CFAP54: variants seen among roughly 807,000 people sequenced by gnomAD.
The protein encoded by CFAP54 is cilia- and flagella-associated protein 54.
In CFAP54, 290 loss-of-function variants were observed where a neutral mutation model predicts 370.4. The observed-to-expected ratio is 0.78, with a 90% CI of 0.71 to 0.86. The LOEUF (loss-of-function observed/expected upper bound fraction) is 0.86. Among genes scored for constraint, CFAP54 ranks in the 40% least tolerant of loss-of-function variants. The pLI is 0.00. For missense variants in CFAP54, 3,399 were observed against 3,528.7 expected (o/e 0.96, Z 0.93); for synonymous variants, 1,206 against 1,236.5 (o/e 0.98, Z 0.52).
At chr12:96,780,975 T>A (rs545642170) in intron 60 of CFAP54, among the ~76,000 whole-genome samples, 1 of 152,276 alleles carries the variant, frequency 6.6e-6, no homozygotes, top group South Asian at 2.1e-4. Context: ...TGAACTTTTT[T>A]AAAACAAAGT....
In CFAP54 at chr12:96,692,473, A is replaced by G. The variant is rs145069101; in HGVS notation, c.6264+1163A>G. ...TAATTGAGCAATTGGCAGCAATAAA[A>G]TGGTGTGTTTTTATTTCTTACTAAA... On this transcript the variant is annotated intron_variant, in intron 44 of 67. Coordinates refer to ENST00000524981, the MANE Select transcript of CFAP54 (RefSeq NM_001306084.2). 2.5e-3 allele frequency among the ~76,000 whole-genome samples: 376 copies of G among 152,322 alleles called. 2 individuals carry two copies. Among genetic ancestry groups the G allele is most frequent in the African/African-American group, 8.2e-3 (340 of 41,574 alleles).
intron 67 of CFAP54, among the ~76,000 whole-genome samples, chr12:96,868,788 C>T (rs1473199317): frequency 6.6e-6 from 1 of 152,066 alleles, no homozygotes; most frequent in African/African-American, 2.4e-5. Context: ...TCATCCTTTG[C>T]ATTCACTGGG....
At chr12:96,498,965 TTTTATTTATTTA>T (rs1954990901) in intron 1 of CFAP54, among the ~76,000 whole-genome samples, 1 of 152,046 alleles carries the variant, frequency 6.6e-6, no homozygotes, top group African/African-American at 2.4e-5. Flanking sequence ...TTTTAAATAT[TTTTATTTATTTA>T]TTTATTTACT....
intron 66 of CFAP54, among the ~76,000 whole-genome samples, chr12:96,838,844 G>T (rs931481333): frequency 2.0e-5 from 3 of 152,194 alleles, no homozygotes; most frequent in Non-Finnish European, 2.9e-5. Flanking sequence ...TGTTTAAAAT[G>T]GATGATTGTT....
chr12:96,743,653 A>G lies in CFAP54; in HGVS notation c.7378-78A>G, dbSNP rs138436978. 2.4e-3 allele frequency: 3,707 copies of G among 1,567,786 alleles called. 47 individuals carry two copies. The African/African-American group carries it at 0.034, about 14-fold the overall frequency. ...TCAAATTCCACTAGGTACTGAATGC[A>G]TAACAATTAACATGTCCAGCTCTTG... is the stretch of plus-strand genomic sequence containing the variant. On this transcript the variant is annotated intron_variant, in intron 53 of 67. Coordinates refer to ENST00000524981, the MANE Select transcript of CFAP54 (RefSeq NM_001306084.2).
intron 40 of CFAP54, 139 bp downstream of exon 40, chr12:96,679,891 A>G (rs900915643): frequency 1.2e-6 from 1 of 814,024 alleles, no homozygotes; most frequent in African/African-American, 1.7e-5. Flanking sequence ...CCTCTTGTCC[A>G]GTGGATCTAT....
chr12:96,755,973 G>A (rs893598275), intron 56 of CFAP54, among the ~76,000 whole-genome samples: 1 of 151,988 alleles, frequency 6.6e-6, no homozygotes, highest in Non-Finnish European at 1.5e-5. Context: ...GCCATATCAC[G>A]TTTTCTTTAT....
intron 63 of CFAP54, among the ~76,000 whole-genome samples, chr12:96,800,498 T>A (rs1209606078): frequency 6.6e-6 from 1 of 152,188 alleles, no homozygotes; most frequent in East Asian, 1.9e-4. Flanking sequence ...ATGTATTGGG[T>A]CATGATAAAA....
intron 48 of CFAP54, among the ~76,000 whole-genome samples, chr12:96,711,736 T>C (rs970919522): frequency 5.3e-5 from 8 of 152,224 alleles, no homozygotes; most frequent in Non-Finnish European, 8.8e-5. Flanking sequence ...AAACCAATAA[T>C]TTTTACTAAT....
chr12:96,798,444 A>AT (rs1958788427), intron 63 of CFAP54, among the ~76,000 whole-genome samples: 1 of 150,596 alleles, frequency 6.6e-6, no homozygotes. Context: ...ACTCATTTCC[A>AT]TTTTTGCTGT....
intron 26 of CFAP54, among the ~76,000 whole-genome samples, chr12:96,612,146 G>T (rs948238668): frequency 9.2e-5 from 14 of 152,156 alleles, no homozygotes; most frequent in African/African-American, 3.1e-4. Context: ...GAGAAAGGTA[G>T]GGTTACCCAC....
intron 48 of CFAP54, among the ~76,000 whole-genome samples, chr12:96,711,151 A>T (rs1468650897): frequency 1.3e-5 from 2 of 152,136 alleles, no homozygotes; most frequent in African/African-American, 2.4e-5. Flanking sequence ...TCTTTCTAGG[A>T]ATTCATCCAT....
At chr12:96,609,942 C>T (rs189687005) in intron 26 of CFAP54, among the ~76,000 whole-genome samples, 56 of 152,332 alleles carry the variant, frequency 3.7e-4, no homozygotes, top group Middle Eastern at 3.4e-3. Context: ...CTTATTGTCA[C>T]AGAAGTGCAG....
intron 39 of CFAP54, among the ~76,000 whole-genome samples, chr12:96,671,063 C>T (rs902583460): frequency 1.3e-5 from 2 of 152,146 alleles, no homozygotes; most frequent in Non-Finnish European, 2.9e-5. Context: ...ACCTCCATCT[C>T]CTGGGTTCAA....
At chr12:96,846,468 C>A (rs368570463) in intron 66 of CFAP54, among the ~76,000 whole-genome samples, 3 of 152,154 alleles carry the variant, frequency 2.0e-5, no homozygotes, top group African/African-American at 7.2e-5. Context: ...TTGAAAAATT[C>A]TTTCCTGGGG....
intron 63 of CFAP54, among the ~76,000 whole-genome samples, chr12:96,809,795 C>T (rs541264131): frequency 6.6e-6 from 1 of 152,272 alleles, no homozygotes; most frequent in South Asian, 2.1e-4. Context: ...GAAATTTCAG[C>T]ACCTGTAGGT....
intron 39 of CFAP54, among the ~76,000 whole-genome samples, chr12:96,664,550 C>T (rs1370246338): frequency 6.6e-6 from 1 of 150,812 alleles, no homozygotes; most frequent in Non-Finnish European, 1.5e-5. Flanking sequence ...CATTTAGGTT[C>T]ATTCCACTTC....
In CFAP54 at chr12:96,679,405, A is replaced by T. The variant is rs536216744; in HGVS notation, c.5564-195A>T. Among the ~76,000 whole-genome samples, 282 of 147,544 alleles carry T rather than the reference A, an allele frequency of 1.9e-3. 1 individual carries two copies. The highest frequency in any genetic ancestry group is 6.4e-3 in the African/African-American group (254 of 39,994). On this transcript the variant is annotated intron_variant, in intron 39 of 67. Coordinates refer to ENST00000524981, the MANE Select transcript of CFAP54 (RefSeq NM_001306084.2). ...AGTTTTCCAAGCTTTTTTTTTTTTT[A>T]AAAGGACCTTCTGGTATACTAAAAG...
intron 9 of CFAP54, among the ~76,000 whole-genome samples, chr12:96,531,926 A>G (rs1385842201): frequency 6.6e-6 from 1 of 152,118 alleles, no homozygotes; most frequent in Non-Finnish European, 1.5e-5. Context: ...GGGTTCCACC[A>G]TGTTGGCCAG....
Sources: gnomAD v4.1 joint callset for allele counts (sites outside exome capture counted in the v4.1 genomes callset) on GRCh38, gnomAD v4.1.1 for gene constraint, MANE v1.5 for transcripts, NCBI Gene and HGNC (gene_info 2026-07-23, HGNC 2026-07-21) for gene names.